The following OR2T2 variants were observed in gnomAD, a reference collection of about 807,000 sequenced individuals.
The protein encoded by OR2T2 is olfactory receptor 2T2.
For missense variants in OR2T2, 138 were observed against 409.1 expected (o/e 0.34, Z 5.72); for synonymous variants, 50 against 162.7 (o/e 0.31, Z 5.27).
chr1:248,448,019 A>G (rs1212863710), intron 2 of OR2T2, among the ~76,000 whole-genome samples: 1 of 152,290 alleles, frequency 6.6e-6, no homozygotes, highest in Non-Finnish European at 1.5e-5. Context: ...CCCCTGAGTC[A>G]TTCAGTAGCT....
chr1:248,448,923 AGCT>A (rs1203031657), intron 2 of OR2T2, among the ~76,000 whole-genome samples: 1 of 128,354 alleles, frequency 7.8e-6, no homozygotes, highest in Non-Finnish European at 1.6e-5. Flanking sequence ...CAATGGCATT[AGCT>A]GTTATTTGTG....
chr1:248,447,749 TTA>T, intron 2 of OR2T2, among the ~76,000 whole-genome samples: 1 of 152,336 alleles, frequency 6.6e-6, no homozygotes, highest in South Asian at 2.1e-4. Flanking sequence ...TAGATGCTCT[TTA>T]AAAGTTTCAT....
At chr1:248,450,485 A>G (rs1662771946) in intron 2 of OR2T2, among the ~76,000 whole-genome samples, 1 of 148,366 alleles carries the variant, frequency 6.7e-6, no homozygotes, top group Non-Finnish European at 1.5e-5. Context: ...AAACGTTCTT[A>G]TCCTTTTATC....
chr1:248,453,844 G>GGT lies in OR2T2; in HGVS notation c.*74_*75dup, dbSNP rs878954358. The GGT allele has an allele frequency of 6.1e-4, 815 of 1,326,208 alleles. 6 individuals are homozygous for GGT. The South Asian group carries it at 9.7e-3, about 16-fold the overall frequency. 82.2% of individuals were successfully genotyped at this position (1,326,208 alleles called of 1,614,324 possible). A position where few individuals can be genotyped will look rare whatever the true frequency, so the allele number is the denominator to read the frequency against. On this transcript the variant is annotated 3_prime_UTR_variant, in exon 3 of 3. Coordinates refer to ENST00000642130, the Ensembl canonical transcript of OR2T2. ...TAGCGGGGACTCCCAGAGCATCAGG[G>GGT]GTGGTGACTGATCAGGAAGGACTAG...
rs1275763171 is a variant in OR2T2, at chr1:248,449,962, A to AC, written c.-22-2812dup. Among the ~76,000 whole-genome samples the AC allele has an allele frequency of 2.2e-5, 3 of 138,650 alleles. No individual in the cohort carries two copies. In the East Asian group the frequency reaches 6.3e-4, roughly 29 times the overall value. 91.0% of individuals were successfully genotyped at this position (138,650 alleles called of 152,430 possible). The stretch of plus-strand genomic sequence containing the variant: ...GATCTTGTATGTGTGAATAAGTCAA[A>AC]CCACACATCGTAATGCTAAATAGCA... On this transcript the variant is annotated intron_variant, in intron 2 of 2. Transcript: ENST00000642130.
chr1:248,449,988 T>C (rs1436599346), intron 2 of OR2T2, among the ~76,000 whole-genome samples: 37 of 145,854 alleles, frequency 2.5e-4, no homozygotes, highest in Non-Finnish European at 3.1e-4. Flanking sequence ...CTAAATAGCA[T>C]CAACTCTAAT....
chr1:248,449,828 C>CTTTTTCTTT (rs1553319226), intron 2 of OR2T2, among the ~76,000 whole-genome samples: 7 of 115,292 alleles, frequency 6.1e-5, no homozygotes, highest in Admixed American at 1.6e-4. Context: ...TTTTCTTTTT[C>CTTTTTCTTT]TTTTTTTTTT....
At chr1:248,449,635 G>A (rs571441174) in intron 2 of OR2T2, among the ~76,000 whole-genome samples, 63 of 136,212 alleles carry the variant, frequency 4.6e-4, no homozygotes, top group African/African-American at 1.9e-3. Context: ...TCCACCTCTC[G>A]GCTTGATCTT....
Position 248,450,438 on chromosome 1 carries a change from TCTG to T in OR2T2, c.-22-2337_-22-2335del, listed in dbSNP as rs1662770391. On this transcript the variant is annotated intron_variant, in intron 2 of 2. Coordinates refer to ENST00000642130, the Ensembl canonical transcript of OR2T2. Reference sequence around the variant, plus strand: ...TGTTTCAGCTTTTTTACTCTCCTCTTCTGGGATCCTACAGTAAGATAAGATCTA... The same window carrying T: ...TGTTTCAGCTTTTTTACTCTCCTCTTGGATCCTACAGTAAGATAAGATCTA... 2.0e-5 allele frequency among the ~76,000 whole-genome samples: 3 copies of T among 147,460 alleles called. No homozygotes were observed. In the South Asian group the frequency reaches 6.4e-4, roughly 31 times the overall value.
exon 3 of OR2T2, chr1:248,453,351 T>G: frequency 6.4e-7 from 1 of 1,568,798 alleles, no homozygotes; most frequent in South Asian, 1.1e-5. Flanking sequence ...ATCCCAGCCG[T>G]GCTGAAGTTG....
intron 2 of OR2T2, among the ~76,000 whole-genome samples, 156 bp downstream of exon 2, chr1:248,446,967 C>T (rs1662676002): frequency 6.8e-6 from 1 of 146,640 alleles, no homozygotes; most frequent in Middle Eastern, 3.5e-3. Context: ...GCCTAATTTT[C>T]CACACTGAAA....
intron 2 of OR2T2, among the ~76,000 whole-genome samples, chr1:248,448,451 C>CT (rs1662720274): frequency 2.6e-5 from 1 of 38,862 alleles, no homozygotes. Context: ...GGGCTCAGTA[C>CT]TGTCTGCAGT....
intron 2 of OR2T2, among the ~76,000 whole-genome samples, chr1:248,450,850 GTCTCTTGA>G (rs1257810237): frequency 1.4e-5 from 2 of 142,534 alleles, no homozygotes; most frequent in Non-Finnish European, 3.0e-5. Flanking sequence ...TATTTAAATA[GTCTCTTGA>G]CCCATGATTC....
At chr1:248,453,153 T>C (rs1183844922) in exon 3 of OR2T2, 4 of 1,612,738 alleles carry the variant, frequency 2.5e-6, no homozygotes, top group Non-Finnish European at 3.4e-6. Context: ...CTGGGTCTCA[T>C]GGCCTATGAC....
At chr1:248,446,323 A>C (rs149707417) in intron 1 of OR2T2, among the ~76,000 whole-genome samples, 3,423 of 144,872 alleles carry the variant, frequency 0.024, 207 homozygotes, top group Non-Finnish European at 0.035. Flanking sequence ...ACTGGAGCCC[A>C]GGGGGAGATG....
Position 248,449,833 on chromosome 1 carries a change from T to TCTTTTTCTTTTTC in OR2T2, c.-22-2943_-22-2942insCTTTTTCTTTTTC, listed in dbSNP as rs1200144216. Reference sequence around the variant, plus strand: ...TTCTTTTTCTTTTTCTTTTTCTTTTTTTTTTTTTTTGGAAAGACTAGTTGA... The same window carrying TCTTTTTCTTTTTC: ...TTCTTTTTCTTTTTCTTTTTCTTTTTCTTTTTCTTTTTCTTTTTTTTTTGGAAAGACTAGTTGA... On this transcript the variant is annotated intron_variant, in intron 2 of 2. Transcript: ENST00000642130. 1.2e-4 allele frequency among the ~76,000 whole-genome samples: 16 copies of TCTTTTTCTTTTTC among 132,316 alleles called. 2 individuals are homozygous for TCTTTTTCTTTTTC. The highest frequency in any genetic ancestry group is 5.5e-4 in the African/African-American group (15 of 27,154). The allele number at this position is 132,316 out of a possible 152,430, so 86.8% of individuals were successfully genotyped here. A position where few individuals can be genotyped will look rare whatever the true frequency, so the allele number is the denominator to read the frequency against.
chr1:248,446,903 A>G (rs1422014483), intron 2 of OR2T2, 92 bp downstream of exon 2: 1 of 133,462 alleles, frequency 7.5e-6, no homozygotes, highest in Non-Finnish European at 1.5e-5. Flanking sequence ...CCTACATGCC[A>G]TTATAGTGCT....
At chr1:248,452,933 A>C (rs971290571) in exon 3 of OR2T2, 1 of 1,614,152 alleles carries the variant, frequency 6.2e-7, no homozygotes, top group African/African-American at 1.3e-5. Context: ...CAACTTGGTC[A>C]TGATTCTGCT....
chr1:248,447,961 G>A (rs1160865935), intron 2 of OR2T2, among the ~76,000 whole-genome samples: 2 of 152,242 alleles, frequency 1.3e-5, no homozygotes, highest in African/African-American at 2.4e-5. Flanking sequence ...GAGTAGTGTG[G>A]TGGAAATATC....
Sources: allele counts gnomAD v4.1 joint callset (sites outside exome capture counted in the v4.1 genomes callset), GRCh38; gene constraint gnomAD v4.1.1; transcripts MANE v1.5; gene names NCBI Gene and HGNC (gene_info 2026-07-23, HGNC 2026-07-21).